ESR1: variants seen among roughly 807,000 people sequenced by gnomAD.
ESR1 encodes estrogen receptor.
A neutral mutation model predicts 52.7 loss-of-function variants in ESR1; 12 were observed. The ratio of observed to expected loss-of-function variants is 0.23; its 90% CI spans 0.15 to 0.37. The LOEUF is 0.37. ESR1 is among the 10% of genes least tolerant of loss of function. The probability of loss-of-function intolerance (pLI) is 1.00; values close to 1 mark genes in which losing one functional copy is unlikely to be tolerated. For synonymous variants in ESR1, 305 were observed against 316.8 expected (o/e 0.96, Z 0.39); for missense variants, 584 against 779.7 (o/e 0.75, Z 2.99).
At chr6:151,760,219 G>A (rs537909933) in intron 2 of ESR1, among the ~76,000 whole-genome samples, 74 of 152,198 alleles carry the variant, frequency 4.9e-4, no homozygotes, top group African/African-American at 1.7e-3. Context: ...TGAATTAGTG[G>A]GTCACTTTAA....
intron 3 of ESR1, among the ~76,000 whole-genome samples, chr6:151,884,006 A>G (rs1393763719): frequency 6.6e-6 from 1 of 152,042 alleles, no homozygotes; most frequent in Non-Finnish European, 1.5e-5. Context: ...ATTTCAACAT[A>G]TGAGTTTTAA....
At chr6:151,952,022 A>T (rs980976652) in intron 4 of ESR1, among the ~76,000 whole-genome samples, 3 of 152,158 alleles carry the variant, frequency 2.0e-5, no homozygotes, top group African/African-American at 7.2e-5. Flanking sequence ...TACTTTGATC[A>T]TTTGGATTTA....
chr6:151,933,487 C>T (rs1252888907), intron 3 of ESR1, among the ~76,000 whole-genome samples: 1 of 150,472 alleles, frequency 6.6e-6, no homozygotes, highest in East Asian at 1.9e-4. Flanking sequence ...ACTTCCAACA[C>T]TATGTTGAAT....
chr6:151,975,039 G>T (rs189414399), intron 4 of ESR1, among the ~76,000 whole-genome samples: 7 of 152,182 alleles, frequency 4.6e-5, no homozygotes, highest in Non-Finnish European at 1.0e-4. Flanking sequence ...TGGAAATGGG[G>T]TAGCTGTGAG....
At chr6:151,984,899 G>A (rs1281699194) in intron 4 of ESR1, among the ~76,000 whole-genome samples, 1 of 152,026 alleles carries the variant, frequency 6.6e-6, no homozygotes, top group Non-Finnish European at 1.5e-5. Context: ...CACTGATCCT[G>A]GGGCCATGAA....
At chr6:152,060,873 T>C (rs1236318804) in intron 5 of ESR1, 118 bp from the exon 6 acceptor site, 12 of 803,622 alleles carry the variant, frequency 1.5e-5, no homozygotes, top group Middle Eastern at 7.1e-4. Context: ...TGATAGTTTT[T>C]TGTTAAAGAT....
At chr6:151,768,210 G>A (rs1465727767) in intron 2 of ESR1, among the ~76,000 whole-genome samples, 1 of 152,200 alleles carries the variant, frequency 6.6e-6, no homozygotes, top group Non-Finnish European at 1.5e-5. Context: ...CCATATCCAA[G>A]TGATCAAAGG....
At chr6:152,080,012 TTTCA>T (rs1214260605) in intron 6 of ESR1, among the ~76,000 whole-genome samples, 2 of 152,068 alleles carry the variant, frequency 1.3e-5, no homozygotes, top group African/African-American at 2.4e-5. Flanking sequence ...CAAATATATG[TTTCA>T]TTGGTGTACT....
At chr6:151,899,604 G>A (rs12196607) in intron 3 of ESR1, among the ~76,000 whole-genome samples, 34,857 of 146,608 alleles carry the variant, frequency 0.24, 5,084 homozygotes, top group Middle Eastern at 0.33. Context: ...CCCGGACGGG[G>A]TGGCTGCCGG....
chr6:151,835,597 A>G (rs1490857689), intron 1 of ESR1, among the ~76,000 whole-genome samples: 1 of 152,226 alleles, frequency 6.6e-6, no homozygotes, highest in Non-Finnish European at 1.5e-5. Flanking sequence ...TAAGTCGTAT[A>G]AATTGTCTGG....
chr6:151,689,144 G>C (rs924606646), upstream of ESR1, among the ~76,000 whole-genome samples: 1 of 152,108 alleles, frequency 6.6e-6, no homozygotes, highest in Admixed American at 6.6e-5. Flanking sequence ...TGTAAAACTG[G>C]TTTTAACAGG....
At chr6:151,943,876 G>A (rs9340901) in intron 3 of ESR1, among the ~76,000 whole-genome samples, 2,434 of 152,202 alleles carry the variant, frequency 0.016, 65 homozygotes, top group African/African-American at 0.055. Context: ...TCAATTTTCA[G>A]GAGTTTTGTA....
chr6:151,806,227 G>C (rs1373975416), upstream of ESR1, among the ~76,000 whole-genome samples: 1 of 152,036 alleles, frequency 6.6e-6, no homozygotes, highest in Non-Finnish European at 1.5e-5. Context: ...ACTCGATTTT[G>C]GCTTCAGCTA....
chr6:152,005,753 G>T (rs919866033), intron 4 of ESR1, among the ~76,000 whole-genome samples: 1 of 152,068 alleles, frequency 6.6e-6, no homozygotes, highest in African/African-American at 2.4e-5. Flanking sequence ...AGAATTGAAA[G>T]TCAGGTCTTC....
upstream of ESR1, among the ~76,000 whole-genome samples, chr6:151,802,729 C>T (rs1435284030): frequency 2.0e-5 from 3 of 152,206 alleles, no homozygotes; most frequent in African/African-American, 7.2e-5. Context: ...TGGCTCATGC[C>T]TATAATCCCA....
intron 2 of ESR1, among the ~76,000 whole-genome samples, chr6:151,857,012 A>T (rs1331884749): frequency 6.6e-6 from 1 of 152,180 alleles, no homozygotes; most frequent in Non-Finnish European, 1.5e-5. Flanking sequence ...ATAAGGCAAG[A>T]TAAAAAGTTT....
intron 2 of ESR1, among the ~76,000 whole-genome samples, chr6:151,772,710 A>G: frequency 6.6e-6 from 1 of 152,218 alleles, no homozygotes. Context: ...TAGCAAATCA[A>G]CTATCACAGA....
intron 3 of ESR1, among the ~76,000 whole-genome samples, chr6:151,930,529 C>T (rs1181773629): frequency 6.6e-6 from 1 of 152,074 alleles, no homozygotes; most frequent in Non-Finnish European, 1.5e-5. Flanking sequence ...TTTAAACAGG[C>T]AGTTATTGTT....
chr6:152,124,861 G>A (rs936223930), intron 6 of ESR1, among the ~76,000 whole-genome samples: 1 of 152,186 alleles, frequency 6.6e-6, no homozygotes, highest in African/African-American at 2.4e-5. Flanking sequence ...AATTTTGTAG[G>A]GGAGTAGCTA....
Sources: allele counts gnomAD v4.1 joint callset (sites outside exome capture counted in the v4.1 genomes callset), GRCh38; gene constraint gnomAD v4.1.1; transcripts MANE v1.5; gene names NCBI Gene and HGNC (gene_info 2026-07-23, HGNC 2026-07-21).